Variants in KIF3C observed in about 807,000 individuals in gnomAD.
The protein encoded by KIF3C is kinesin family member 3C.
In KIF3C, 12 loss-of-function variants were observed where a neutral mutation model predicts 67.7. The observed-to-expected ratio is 0.18, with a 90% CI of 0.11 to 0.29. The LOEUF (loss-of-function observed/expected upper bound fraction) is 0.29, where lower values mean the gene tolerates loss of function less well. Ranked by LOEUF, KIF3C falls within the 10% of genes least tolerant of loss-of-function variation. The pLI, the probability that KIF3C is intolerant of heterozygous loss-of-function variation, is 1.00. For missense variants in KIF3C, 789 were observed against 1,059.6 expected (o/e 0.74, Z 3.55); for synonymous variants, 393 against 426.2 (o/e 0.92, Z 0.96).
chr2:25,971,622 G>A (rs1322007537), intron 1 of KIF3C, among the ~76,000 whole-genome samples: 2 of 152,156 alleles, frequency 1.3e-5, no homozygotes, highest in Non-Finnish European at 2.9e-5. Flanking sequence ...AAGTGTGGGT[G>A]TCCTATAAGG....
Position 25,927,705 on chromosome 2 carries a change from G to A in KIF3C, c.*1273C>T, listed in dbSNP as rs1061449. 0.026 allele frequency: 4,010 copies of A among 152,028 alleles called. 77 individuals carry two copies. Among genetic ancestry groups the A allele is most frequent in the Non-Finnish European group, 0.039 (2,658 of 67,992 alleles). The allele number at this position is 152,028 out of a possible 1,614,324, so 9.4% of individuals were successfully genotyped here. ...GGCACTTTGAAATCCTAATTCACTCGCTTGCTTTCGTTATGACCTCTTCAC... is the reference window on the plus strand; with the variant it reads ...GGCACTTTGAAATCCTAATTCACTCACTTGCTTTCGTTATGACCTCTTCAC... On this transcript the variant is annotated 3_prime_UTR_variant, in exon 8 of 8. Coordinates refer to ENST00000264712, the MANE Select transcript of KIF3C (RefSeq NM_002254.8).
chr2:25,969,694 T>C (rs895576371), intron 1 of KIF3C, among the ~76,000 whole-genome samples: 4 of 151,736 alleles, frequency 2.6e-5, no homozygotes, highest in Non-Finnish European at 5.9e-5. Flanking sequence ...TCCTTGGCCA[T>C]GGTTACTTAA....
At chr2:25,971,140 C>T (rs1262318709) in intron 1 of KIF3C, among the ~76,000 whole-genome samples, 2 of 151,800 alleles carry the variant, frequency 1.3e-5, no homozygotes, top group Admixed American at 6.6e-5. Context: ...GGCGTGGTGG[C>T]GGGTGCCTGT....
chr2:25,970,561 G>A (rs368674463), intron 1 of KIF3C, among the ~76,000 whole-genome samples: 21 of 151,262 alleles, frequency 1.4e-4, no homozygotes, highest in African/African-American at 5.1e-4. Flanking sequence ...CAGCTACTCT[G>A]GAGGCTGAGA....
rs184392347 is a variant in KIF3C at position 25,930,517 on chromosome 2, C to T, written c.2007-454G>A. On this transcript the variant is annotated intron_variant, in intron 5 of 7. Coordinates refer to ENST00000264712, the MANE Select transcript of KIF3C (RefSeq NM_002254.8). The stretch of plus-strand genomic sequence containing the variant: ...GGGATTACAGGCATGCACCACCACA[C>T]CTGGCTAATTTTACTTTATTTTATT... Among the ~76,000 whole-genome samples, 187 of 152,218 alleles carry T rather than the reference C, an allele frequency of 1.2e-3. 1 individual carries two copies. Among genetic ancestry groups the T allele is most frequent in the African/African-American group, 4.2e-3 (174 of 41,550 alleles).
chr2:25,929,765 A>G lies in KIF3C; in HGVS notation c.2115+190T>C, dbSNP rs554049712. 4.7e-5 allele frequency among the ~76,000 whole-genome samples: 7 copies of G among 150,456 alleles called. No homozygotes were observed. In the South Asian group the frequency reaches 1.3e-3, roughly 27 times the overall value. ...CAAGTAGCTGGGACTATAGGCACCCATCACCACGCCTGGCTAATTTTTGTA... is the reference window on the plus strand; with the variant it reads ...CAAGTAGCTGGGACTATAGGCACCCGTCACCACGCCTGGCTAATTTTTGTA... On this transcript the variant is annotated intron_variant, in intron 6 of 7. Coordinates refer to ENST00000264712, the MANE Select transcript of KIF3C (RefSeq NM_002254.8).
chr2:25,955,434 T>G lies in KIF3C; in HGVS notation c.1770+107A>C. On this transcript the variant is annotated intron_variant, in intron 3 of 7. Coordinates refer to ENST00000264712, the MANE Select transcript of KIF3C (RefSeq NM_002254.8). The surrounding 1 kb of genome is among the most constrained non-coding windows in gnomAD (Gnocchi z 5.0). ...GAGGCCAAGCCATGTCACTCAGGGGTTCAGCAGTTCCAGCCAAATGGGGAG... is the reference window on the plus strand; with the variant it reads ...GAGGCCAAGCCATGTCACTCAGGGGGTCAGCAGTTCCAGCCAAATGGGGAG... The G allele has an allele frequency of 1.2e-5, 16 of 1,349,994 alleles. No individual in the cohort carries two copies. Among genetic ancestry groups the G allele is most frequent in the East Asian group, 7.6e-5 (3 of 39,564 alleles). The allele number at this position is 1,349,994 out of a possible 1,614,324, so 83.6% of individuals were successfully genotyped here.
In KIF3C at chr2:25,981,136, G is replaced by A. The variant is rs200725123; in HGVS notation, c.782C>T (p.Ala261Val). Residue 261 changes from alanine (A) to valine (V), a missense_variant, in exon 1 of 8, where the codon GCG becomes GTG. Transcript: ENST00000264712. The surrounding 1 kb of genome is among the most constrained non-coding windows in gnomAD (Gnocchi z 8.2). ...CGAGGATGGTGTGGCTGCCCCTCCCGCTGTGTTGGGGCCTGCCTTGTTCTG... is the reference window on the plus strand; with the variant it reads ...CGAGGATGGTGTGGCTGCCCCTCCCACTGTGTTGGGGCCTGCCTTGTTCTG... The part of the protein sequence containing the change: ...ERQNKAGPNT[A>V]GGAATPSSGG... The A allele has an allele frequency of 1.6e-5, 26 of 1,614,002 alleles. No individual in the cohort carries two copies. Among genetic ancestry groups the A allele is most frequent in the Admixed American group, 6.7e-5 (4 of 60,010 alleles).
chr2:25,980,437 T>A lies in KIF3C; in HGVS notation c.1481A>T (p.Glu494Val). The A allele has an allele frequency of 6.2e-7, 1 of 1,614,078 alleles. No homozygotes were observed. The highest frequency in any genetic ancestry group is 1.1e-5 in the South Asian group (1 of 91,084). ...CCGCCGCAGGTCCTCCAGCATCTTCTCCTTCTCCTCCAGCAGCTTCTGCTT... is the reference window on the plus strand; with the variant it reads ...CCGCCGCAGGTCCTCCAGCATCTTCACCTTCTCCTCCAGCAGCTTCTGCTT... Reference protein sequence around the residue: ...EEKQKLLEEKEKMLEDLRREQ... With the variant: ...EEKQKLLEEKVKMLEDLRREQ... The change falls in exon 1 of 8, where the codon GAG (glutamate) becomes GTG (valine). Residue 494 changes from glutamate to valine, a missense_variant. Coordinates refer to ENST00000264712, the MANE Select transcript of KIF3C (RefSeq NM_002254.8). This position sits in a 1 kb window ranked among gnomAD's most constrained non-coding sequence, Gnocchi z 7.6.
chr2:25,940,566 T>G (rs1392404888), intron 5 of KIF3C, among the ~76,000 whole-genome samples: 1 of 140,316 alleles, frequency 7.1e-6, no homozygotes, highest in Non-Finnish European at 1.5e-5. Flanking sequence ...TGAGACTCCA[T>G]CTCAAAAAAC....
intron 1 of KIF3C, among the ~76,000 whole-genome samples, chr2:25,967,167 A>C (rs903562392): frequency 5.3e-5 from 8 of 152,228 alleles, no homozygotes; most frequent in African/African-American, 1.9e-4. Context: ...TGAAATAGGC[A>C]GGGCTCTGCT....
At position 25,955,399 on chromosome 2, in the gene KIF3C, G is replaced by T; in HGVS notation, c.1770+142C>A. ...CCCCCGCCTCCTGCCTCCCCCTGTT[G>T]CTCACCCCCGAGGCCAAGCCATGTC... is the stretch of plus-strand genomic sequence containing the variant. On this transcript the variant is annotated intron_variant, in intron 3 of 7. Transcript: ENST00000264712. The surrounding 1 kb of genome is among the most constrained non-coding windows in gnomAD (Gnocchi z 5.0). 7.4e-6 allele frequency: 7 copies of T among 944,736 alleles called. No homozygotes were observed. Among genetic ancestry groups the T allele is most frequent in the Non-Finnish European group, 8.0e-6 (5 of 625,248 alleles). The allele number at this position is 944,736 out of a possible 1,614,324, so 58.5% of individuals were successfully genotyped here.
chr2:25,957,403 G>A (rs1464944949), intron 1 of KIF3C, among the ~76,000 whole-genome samples: 3 of 152,160 alleles, frequency 2.0e-5, no homozygotes, highest in Non-Finnish European at 4.4e-5. Flanking sequence ...TTTCAAGAGG[G>A]TGCTGTCGGC....
At position 25,951,633 on chromosome 2, in the gene KIF3C, C is replaced by A. The variant is rs545449679; in HGVS notation, c.2006+156G>T. 46 of 590,668 alleles carry A rather than the reference C, an allele frequency of 7.8e-5. No homozygotes were observed. In the African/African-American group the frequency reaches 7.8e-4, roughly 10 times the overall value. The allele number at this position is 590,668 out of a possible 1,614,324, so 36.6% of individuals were successfully genotyped here. A position where few individuals can be genotyped will look rare whatever the true frequency, so the allele number is the denominator to read the frequency against. On this transcript the variant is annotated intron_variant, in intron 5 of 7. Coordinates refer to ENST00000264712, the MANE Select transcript of KIF3C (RefSeq NM_002254.8). ...ATCATAGAGACCCCTACAATTAGAT[C>A]CTGAGAAATTCATCCCCCATCGGCA...
chr2:25,981,462 C>G lies in KIF3C; in HGVS notation c.456G>C (p.Glu152Asp), dbSNP rs1202633165. Residue 152 changes from glutamate to aspartate, a missense_variant, in exon 1 of 8, where the codon GAG (glutamate) becomes GAC (aspartate). Glu to Asp is a conservative substitution (Grantham distance 45, BLOSUM62 2). Coordinates refer to ENST00000264712, the MANE Select transcript of KIF3C (RefSeq NM_002254.8). This position sits in a 1 kb window ranked among gnomAD's most constrained non-coding sequence, Gnocchi z 8.2. ...RASYLEIYQE[E>D]IRDLLSKEPG... is the part of the protein sequence containing the mutation. ...GCTCCTTGGAGAGCAGGTCTCGAAT[C>G]TCTTCCTGGTAGATCTCCAAATAGG... The G allele has an allele frequency of 1.2e-6, 2 of 1,614,104 alleles. No homozygotes were observed. Among genetic ancestry groups the G allele is most frequent in the Non-Finnish European group, 1.7e-6 (2 of 1,180,050 alleles).
intron 1 of KIF3C, among the ~76,000 whole-genome samples, chr2:25,978,343 C>T (rs933089281): frequency 2.6e-5 from 4 of 152,098 alleles, no homozygotes; most frequent in Admixed American, 6.6e-5. Flanking sequence ...AAGATGTCAA[C>T]GCCTTATATA....
In KIF3C at chr2:25,929,818, G is replaced by A. The variant is rs922733365; in HGVS notation, c.2115+137C>T. On this transcript the variant is annotated intron_variant, in intron 6 of 7. Coordinates refer to ENST00000264712, the MANE Select transcript of KIF3C (RefSeq NM_002254.8). Reference sequence around the variant, plus strand: ...TTTAGTAGAGACAGGGGTTCACCATGTTAACCAGGCTGGTCTCGAACTCCT... The same window carrying A: ...TTTAGTAGAGACAGGGGTTCACCATATTAACCAGGCTGGTCTCGAACTCCT... 6.1e-6 allele frequency: 4 copies of A among 658,562 alleles called. No homozygotes were observed. The East Asian group carries it at 7.9e-5, about 13-fold the overall frequency. 40.8% of individuals were successfully genotyped at this position (658,562 alleles called of 1,614,324 possible).
At chr2:25,969,469 C>T (rs1664225452) in intron 1 of KIF3C, among the ~76,000 whole-genome samples, 1 of 151,734 alleles carries the variant, frequency 6.6e-6, no homozygotes, top group Non-Finnish European at 1.5e-5. Context: ...ACCTGTTCCC[C>T]CAAAACTTTT....
chr2:25,961,952 A>AAC (rs1293363459), intron 1 of KIF3C, among the ~76,000 whole-genome samples: 1 of 151,988 alleles, frequency 6.6e-6, no homozygotes, highest in African/African-American at 2.4e-5. Flanking sequence ...CATCTCAAAA[A>AAC]AAAAAAAAAA....
Sources: allele counts gnomAD v4.1 joint callset (sites outside exome capture counted in the v4.1 genomes callset), GRCh38; gene constraint gnomAD v4.1.1; non-coding constraint Gnocchi (gnomAD v3.1); transcripts MANE v1.5; gene names NCBI Gene and HGNC (gene_info 2026-07-23, HGNC 2026-07-21).